MROH7: variants seen among roughly 807,000 people sequenced by gnomAD.
MROH7 encodes maestro heat like repeat family member 7.
MROH7 carries 113 observed loss-of-function variants against 129.2 expected under a neutral mutation model. That is an observed-to-expected ratio of 0.87 (90% confidence interval 0.75 to 1.02). The LOEUF is 1.02. Ranked by LOEUF, MROH7 falls within the 50% of genes least tolerant of loss-of-function variation. The pLI is 0.00. For synonymous variants in MROH7, 655 were observed against 667.9 expected, an observed-to-expected ratio of 0.98 and a Z score of 0.30; for missense variants, 1,601 against 1,671.3, an observed-to-expected ratio of 0.96 and a Z score of 0.73.
At chr1:54,657,442 G>A (rs958886532) in intron 3 of MROH7, among the ~76,000 whole-genome samples, 33 of 152,174 alleles carry the variant, frequency 2.2e-4, no homozygotes, top group African/African-American at 6.7e-4. Context: ...GCAGTGGAGC[G>A]ATGATAGCTC....
chr1:54,670,810 C>A lies in MROH7; in HGVS notation c.1480C>A (p.Pro494Thr). The change falls in exon 7 of 24, where the codon CCC (proline) becomes ACC (threonine). Residue 494 changes from proline (P) to threonine (T), a missense_variant. Transcript: ENST00000421030. ...CTGCCTCTTCTCCAGCCACACCCAG[C>A]CCACCCTGGGCATGCGGGAGAGGTC... ...EILTQLSHTQ[P>T]TLGMRERSEL... is the part of the protein sequence containing the mutation. The A allele has an allele frequency of 6.2e-7, 1 of 1,613,930 alleles. No homozygotes were observed. The highest frequency in any genetic ancestry group is 1.1e-5 in the South Asian group (1 of 91,020).
chr1:54,649,118 C>T (rs1644514903), intron 1 of MROH7, among the ~76,000 whole-genome samples: 1 of 152,190 alleles, frequency 6.6e-6, no homozygotes. Flanking sequence ...CAGGCCCTTA[C>T]ATCTGATAAC....
intron 14 of MROH7, 86 bp from the exon 15 acceptor site, chr1:54,686,172 C>T (rs1320454511): frequency 1.6e-6 from 2 of 1,261,016 alleles, no homozygotes; most frequent in East Asian, 4.8e-5. Flanking sequence ...CCAGATCCTA[C>T]CTCCCAGAGA....
At position 54,700,076 on chromosome 1, in the gene MROH7, G is replaced by A; in HGVS notation, c.2965-245G>A. 5.8e-6 allele frequency: 4 copies of A among 685,910 alleles called. No individual in the cohort carries two copies. In the South Asian group the frequency reaches 6.6e-5, roughly 11 times the overall value. 42.5% of individuals were successfully genotyped at this position (685,910 alleles called of 1,614,324 possible). A position where few individuals can be genotyped will look rare whatever the true frequency, so the allele number is the denominator to read the frequency against. On this transcript the variant is annotated intron_variant, in intron 17 of 23. Transcript: ENST00000421030. ...CACGCTGCTGTTAATGAGGCCACAG[G>A]ATCTCATGGGAAAGGCAACAACAAG...
intron 1 of MROH7, among the ~76,000 whole-genome samples, chr1:54,643,064 T>C (rs1557683994): frequency 6.6e-6 from 1 of 152,216 alleles, no homozygotes; most frequent in Non-Finnish European, 1.5e-5. Context: ...CCATGTGCTA[T>C]GTGCTGGGAA....
intron 17 of MROH7, chr1:54,699,934 G>A (rs112744199): frequency 8.4e-4 from 497 of 592,476 alleles, no homozygotes; most frequent in Non-Finnish European, 1.3e-3. Context: ...GGCATCCCAG[G>A]AGAAGGGCAT....
intron 10 of MROH7, among the ~76,000 whole-genome samples, chr1:54,674,447 G>A (rs1644951468): frequency 6.6e-6 from 1 of 152,108 alleles, no homozygotes; most frequent in African/African-American, 2.4e-5. Context: ...TATACCTAAG[G>A]ATAATTCCCC....
At chr1:54,671,971 T>C (rs1158531518) in intron 7 of MROH7, among the ~76,000 whole-genome samples, 1 of 151,892 alleles carries the variant, frequency 6.6e-6, no homozygotes, top group African/African-American at 2.4e-5. Context: ...GTTGTGATTG[T>C]GAAACTGAGA....
At chr1:54,664,490 G>A (rs1260376046) in intron 3 of MROH7, among the ~76,000 whole-genome samples, 2 of 152,190 alleles carry the variant, frequency 1.3e-5, no homozygotes, top group African/African-American at 2.4e-5. Flanking sequence ...GGGAACCACC[G>A]TGCAAAGGCC....
chr1:54,667,934 G>A (rs1032973124), intron 4 of MROH7, among the ~76,000 whole-genome samples: 3 of 152,206 alleles, frequency 2.0e-5, no homozygotes, highest in Non-Finnish European at 4.4e-5. Context: ...TGGGTGCTGG[G>A]GGCATTAGAA....
In MROH7 at chr1:54,682,752, G is replaced by C. The variant is rs776927090; in HGVS notation, c.2478G>C (p.Lys826Asn). The C allele has an allele frequency of 8.1e-6, 13 of 1,614,020 alleles. No individual in the cohort carries two copies. Among genetic ancestry groups the C allele is most frequent in the South Asian group, 7.7e-5 (7 of 91,074 alleles). Residue 826 changes from lysine to asparagine, a missense_variant, in exon 14 of 24, where the codon AAG (lysine) becomes AAC (asparagine). Transcript: ENST00000421030. ...TGCTCCTGGGCAGCCTGAAGGAGAA[G>C]CCCGTCACCAAGGAGGGCCGGGCTT... ...LDLLLGSLKEKPVTKEGRASI... is the reference protein window; with the variant it reads ...LDLLLGSLKENPVTKEGRASI...
rs370779971 is a variant in MROH7, at chr1:54,695,484, C to T, written c.2958C>T (p.Phe986=). 4.8e-5 allele frequency: 78 copies of T among 1,611,668 alleles called. No homozygotes were observed. The highest frequency in any genetic ancestry group is 4.0e-5 in the African/African-American group (3 of 74,888). Residue 986 remains phenylalanine (F), a synonymous_variant, in exon 17 of 24, where the codon TTC becomes TTT. Transcript: ENST00000421030. ...EKHRITATAF[F]VELLQMEQVR... is the part of the protein sequence containing the mutation. ...ACAGGATCACGGCCACCGCCTTCTTCGTGGAGGTACCAACGGGGGCAGCGG... is the reference window on the plus strand; with the variant it reads ...ACAGGATCACGGCCACCGCCTTCTTTGTGGAGGTACCAACGGGGGCAGCGG...
intron 13 of MROH7, among the ~76,000 whole-genome samples, chr1:54,681,231 T>A (rs1363680136): frequency 2.6e-5 from 4 of 152,198 alleles, no homozygotes; most frequent in Non-Finnish European, 5.9e-5. Flanking sequence ...GTCTTGGCCC[T>A]GAGTCTAGGA....
intron 4 of MROH7, chr1:54,665,692 G>C (rs1644802835): frequency 6.3e-6 from 1 of 158,828 alleles, no homozygotes; most frequent in Non-Finnish European, 1.4e-5. Context: ...AGGCACACTT[G>C]CATCTGCAGG....
chr1:54,667,036 C>G (rs747152344), intron 4 of MROH7, among the ~76,000 whole-genome samples: 5 of 152,210 alleles, frequency 3.3e-5, no homozygotes, highest in Non-Finnish European at 7.3e-5. Context: ...AGCCCTAACA[C>G]TGTCATTCAA....
intron 17 of MROH7, chr1:54,699,843 CA>C (rs1464513393): frequency 4.1e-6 from 2 of 482,372 alleles, no homozygotes; most frequent in South Asian, 3.9e-5. Context: ...TAAATGAGGC[CA>C]GGGGCAGTGT....
intron 17 of MROH7, chr1:54,698,797 C>CTTTTTTTTTTTTTTT: frequency 7.0e-6 from 1 of 141,862 alleles, no homozygotes; most frequent in East Asian, 3.0e-4. Context: ...AAGTTTCTTT[C>CTTTTTTTTTTTTTTT]TTTTTTTTTT....
At position 54,702,761 on chromosome 1, in the gene MROH7, G is replaced by C; in HGVS notation, c.3564+16G>C. 2 of 1,603,930 alleles carry C rather than the reference G, an allele frequency of 1.2e-6. No individual in the cohort carries two copies. Among genetic ancestry groups the C allele is most frequent in the Non-Finnish European group, 1.7e-6 (2 of 1,175,504 alleles). ...CAAGTGCCTTGTGAGTGCTCCCAGA[G>C]AGTAGAGTGGTTCCTTACAAGCATG... On this transcript the variant is annotated intron_variant, in intron 21 of 23. Transcript: ENST00000421030.
At position 54,653,333 on chromosome 1, in the gene MROH7, C is replaced by T. The variant is rs530118000; in HGVS notation, c.407C>T (p.Ala136Val). ...ATTCTGAGCCCTAGCTCTACTGAGG[C>T]CCCTCGTCTGAGCTCTGGGAACCAC... ...NPILSPSSTE[A>V]PRLSSGNHPQ... Residue 136 changes from alanine (A) to valine (V), a missense_variant, in exon 3 of 24, where the codon GCC becomes GTC. Physicochemically the swap from Ala to Val is moderately conservative, Grantham distance 64 (BLOSUM62 0). Transcript: ENST00000421030. 30 of 1,614,056 alleles carry T rather than the reference C, an allele frequency of 1.9e-5. No homozygotes were observed. Among genetic ancestry groups the T allele is most frequent in the South Asian group, 1.1e-5 (1 of 91,088 alleles).
Sources: allele counts gnomAD v4.1 joint callset (sites outside exome capture counted in the v4.1 genomes callset), GRCh38; gene constraint gnomAD v4.1.1; transcripts MANE v1.5; gene names NCBI Gene and HGNC (gene_info 2026-07-23, HGNC 2026-07-21).